Variants in ARSB observed in about 807,000 individuals in gnomAD.
The protein encoded by ARSB is N-acetylgalactosamine-4-sulfatase.
ARSB carries 41 observed loss-of-function variants against 50.9 expected under a neutral mutation model. That is an observed-to-expected ratio of 0.81 (90% CI 0.63 to 1.04). ARSB has a LOEUF of 1.04. Among genes scored for constraint, ARSB ranks in the 50% least tolerant of loss-of-function variants. The probability of loss-of-function intolerance (pLI) is 0.00; values close to 1 mark genes in which losing one functional copy is unlikely to be tolerated. For synonymous variants in ARSB, 269 were observed against 284.8 expected (o/e 0.94, Z 0.56); for missense variants, 672 against 693.3 (o/e 0.97, Z 0.35).
chr5:78,808,680 C>T (rs1265877872), intron 6 of ARSB, among the ~76,000 whole-genome samples: 2 of 152,174 alleles, frequency 1.3e-5, no homozygotes, highest in African/African-American at 2.4e-5. Context: ...CCCTAATTTC[C>T]GGAGCCACAG....
intron 6 of ARSB, among the ~76,000 whole-genome samples, chr5:78,791,880 T>C (rs73767410): frequency 0.029 from 4,403 of 152,160 alleles, 205 homozygotes; most frequent in African/African-American, 0.099. Flanking sequence ...AGCTGGGAAG[T>C]GGGGCTGTGC....
intron 5 of ARSB, among the ~76,000 whole-genome samples, chr5:78,848,287 A>C (rs1745556509): frequency 9.5e-6 from 1 of 104,864 alleles, no homozygotes; most frequent in Non-Finnish European, 1.8e-5. Context: ...CTCATTGTTC[A>C]ATTCCCACCT....
chr5:78,922,675 G>C (rs544994099), intron 4 of ARSB, among the ~76,000 whole-genome samples: 1 of 150,884 alleles, frequency 6.6e-6, no homozygotes. Context: ...AAAGGAGAGG[G>C]AATTGTAAAG....
intron 4 of ARSB, among the ~76,000 whole-genome samples, chr5:78,919,070 A>G (rs1749688521): frequency 6.6e-6 from 1 of 152,212 alleles, no homozygotes; most frequent in Non-Finnish European, 1.5e-5. Context: ...ACAGGAAGCT[A>G]GGAACCCCAC....
chr5:78,831,425 A>C lies in ARSB; in HGVS notation c.1213+7931T>G, dbSNP rs78724954. Among the ~76,000 whole-genome samples the C allele has an allele frequency of 2.7e-3, 404 of 152,194 alleles. 4 individuals are homozygous for C. The East Asian group carries it at 0.036, about 14-fold the overall frequency. ...ACAAGCAGAAGCTACCACCATCTGCAGAGTCAGATTACATGTGAATCTAGC... is the reference window on the plus strand; with the variant it reads ...ACAAGCAGAAGCTACCACCATCTGCCGAGTCAGATTACATGTGAATCTAGC... On this transcript the variant is annotated intron_variant, in intron 6 of 7. Transcript: ENST00000264914.
At chr5:78,823,166 C>T (rs966137196) in intron 6 of ARSB, among the ~76,000 whole-genome samples, 4 of 152,220 alleles carry the variant, frequency 2.6e-5, no homozygotes, top group Middle Eastern at 3.4e-3. Flanking sequence ...TGTGTTTTTG[C>T]TTTTATTTTT....
At chr5:78,874,327 G>A (rs1747385452) in intron 5 of ARSB, among the ~76,000 whole-genome samples, 1 of 152,120 alleles carries the variant, frequency 6.6e-6, no homozygotes, top group Non-Finnish European at 1.5e-5. Flanking sequence ...GATAAAGAGA[G>A]AACAGTATTA....
intron 4 of ARSB, among the ~76,000 whole-genome samples, chr5:78,908,172 C>T (rs1157392756): frequency 1.5e-4 from 23 of 152,148 alleles, no homozygotes; most frequent in Admixed American, 6.5e-5. Context: ...ATCAGAGTCA[C>T]GTATAAATGG....
At chr5:78,982,851 T>C (rs1752968478) in intron 1 of ARSB, among the ~76,000 whole-genome samples, 1 of 152,020 alleles carries the variant, frequency 6.6e-6, no homozygotes, top group Non-Finnish European at 1.5e-5. Flanking sequence ...GGAAAAAAAA[T>C]GTTTGGGGAA....
At chr5:78,836,371 T>C (rs116108005) in intron 6 of ARSB, among the ~76,000 whole-genome samples, 82 of 152,300 alleles carry the variant, frequency 5.4e-4, no homozygotes, top group African/African-American at 1.9e-3. Context: ...TCCTTCGTTA[T>C]CTGCAGGAGT....
chr5:78,832,573 G>A (rs982549156), intron 6 of ARSB, among the ~76,000 whole-genome samples: 26 of 152,276 alleles, frequency 1.7e-4, no homozygotes, highest in African/African-American at 6.3e-4. Flanking sequence ...GAAACAGGGA[G>A]CAGCTCCAAG....
intron 4 of ARSB, among the ~76,000 whole-genome samples, chr5:78,887,597 T>C (rs1748096763): frequency 6.6e-6 from 1 of 152,238 alleles, no homozygotes; most frequent in Non-Finnish European, 1.5e-5. Context: ...ACAACCTAAG[T>C]GCTCAATACA....
intron 2 of ARSB, among the ~76,000 whole-genome samples, chr5:78,966,472 A>G (rs1752211067): frequency 6.6e-6 from 1 of 152,238 alleles, no homozygotes; most frequent in African/African-American, 2.4e-5. Context: ...AAAGTGTAAA[A>G]GACATTGGTT....
At chr5:78,975,790 T>G (rs1284878463) in intron 1 of ARSB, among the ~76,000 whole-genome samples, 1 of 152,260 alleles carries the variant, frequency 6.6e-6, no homozygotes, top group East Asian at 1.9e-4. Context: ...CTTCTCACAT[T>G]TGATCATTTA....
In ARSB at chr5:78,955,424, A is replaced by G. The variant is rs1751677962; in HGVS notation, c.769T>C (p.Phe257Leu). 2 of 1,614,206 alleles carry G rather than the reference A, an allele frequency of 1.2e-6. No individual in the cohort carries two copies. The highest frequency in any genetic ancestry group is 1.7e-6 in the Non-Finnish European group (2 of 1,180,028). The change falls in exon 4 of 8, where the codon TTT (phenylalanine) becomes CTT (leucine). Residue 257 changes from phenylalanine to leucine, a missense_variant. Coordinates refer to ENST00000264914, the MANE Select transcript of ARSB (RefSeq NM_000046.5). ...TGATGCCTGTTCTTGTCTTGGATAA[A>G]GTCATATGGCTTCAAGTATTCCTCA... ...VPEEYLKPYD[F>L]IQDKNRHHYA...
chr5:78,835,512 A>G (rs1454199185), intron 6 of ARSB, among the ~76,000 whole-genome samples: 1 of 152,220 alleles, frequency 6.6e-6, no homozygotes, highest in Non-Finnish European at 1.5e-5. Flanking sequence ...GCGGATCGAT[A>G]CGGTGATGTT....
In ARSB at chr5:78,799,031, C is replaced by G. The variant is rs7736777; in HGVS notation, c.1214-17057G>C. Among the ~76,000 whole-genome samples, 10 of 152,170 alleles carry G rather than the reference C, an allele frequency of 6.6e-5. No homozygotes were observed. In the East Asian group the frequency reaches 1.9e-3, roughly 29 times the overall value. Reference sequence around the variant, plus strand: ...TGACAGCAGCCCCCGAAAGTAAGGACGTTTTATATTTTGAGAAGTTATCAG... The same window carrying G: ...TGACAGCAGCCCCCGAAAGTAAGGAGGTTTTATATTTTGAGAAGTTATCAG... On this transcript the variant is annotated intron_variant, in intron 6 of 7. Transcript: ENST00000264914.
chr5:78,985,873 A>G (rs1358786645), upstream of ARSB: 2 of 152,260 alleles, frequency 1.3e-5, no homozygotes, highest in South Asian at 2.1e-4. Context: ...CTTCCTCCCC[A>G]CTAGCAAACA....
At chr5:78,972,886 G>T (rs964210999) in intron 1 of ARSB, among the ~76,000 whole-genome samples, 2 of 152,192 alleles carry the variant, frequency 1.3e-5, no homozygotes, top group Non-Finnish European at 2.9e-5. Context: ...ATGGAGCAGG[G>T]AATGTGTTCT....
Sources: gnomAD v4.1 joint callset for allele counts (sites outside exome capture counted in the v4.1 genomes callset) on GRCh38, gnomAD v4.1.1 for gene constraint, MANE v1.5 for transcripts, NCBI Gene and HGNC (gene_info 2026-07-23, HGNC 2026-07-21) for gene names.